The following CDH19 variants were observed in gnomAD, a reference collection of about 807,000 sequenced individuals.
CDH19 encodes cadherin-19.
CDH19 carries 67 observed loss-of-function variants against 64.2 expected under a neutral mutation model. The observed-to-expected ratio is 1.04, with a 90% CI of 0.86 to 1.28. The LOEUF is 1.28. Ranked by LOEUF, CDH19 falls within the 50% of genes most tolerant of loss-of-function variation. The pLI is 0.00. For synonymous variants in CDH19, 346 were observed against 319.3 expected (o/e 1.08, Z -0.89); for missense variants, 1,030 against 929.0 (o/e 1.11, Z -1.41).
chr18:66,505,332 T>C, intron 11 of CDH19, 30 bp from the exon 12 acceptor site: 1 of 1,493,132 alleles, frequency 6.7e-7, no homozygotes, highest in Non-Finnish European at 8.9e-7. Flanking sequence ...AGAATATCAA[T>C]AAACAATAAA....
At chr18:66,597,291 A>G (rs1467536695) in intron 1 of CDH19, among the ~76,000 whole-genome samples, 3 of 151,964 alleles carry the variant, frequency 2.0e-5, no homozygotes, top group Non-Finnish European at 4.4e-5. Flanking sequence ...CTGGTTAGAG[A>G]ACCTAGAGGC....
At chr18:66,522,664 T>A (rs12717057) in intron 9 of CDH19, among the ~76,000 whole-genome samples, 43,302 of 151,044 alleles carry the variant, frequency 0.29, 7,305 homozygotes, top group Non-Finnish European at 0.38. Flanking sequence ...TTATATATAT[T>A]TTTTCTTCTT....
intron 1 of CDH19, among the ~76,000 whole-genome samples, chr18:66,595,752 T>C (rs1321781659): frequency 6.6e-6 from 1 of 152,042 alleles, no homozygotes; most frequent in Non-Finnish European, 1.5e-5. Flanking sequence ...GAAGACGGGG[T>C]ATCAATTTTA....
intron 1 of CDH19, among the ~76,000 whole-genome samples, chr18:66,591,583 T>C (rs904353329): frequency 1.3e-5 from 2 of 151,890 alleles, no homozygotes; most frequent in African/African-American, 4.8e-5. Flanking sequence ...TTATAAAAAC[T>C]AAGAGAGTTT....
Position 66,554,296 on chromosome 18 carries a change from T to G in CDH19, c.610+109A>C, listed in dbSNP as rs1005962460. On this transcript the variant is annotated intron_variant, in intron 4 of 11. Transcript: ENST00000262150. ...GCTTAGGAATTGCAATCTTTTTGCT[T>G]ATTGACATATCAGGACTACTGTAAA... The G allele has an allele frequency of 2.9e-6, 3 of 1,031,672 alleles. No individual in the cohort carries two copies. The Admixed American group carries it at 7.1e-5, about 24-fold the overall frequency. The allele number at this position is 1,031,672 out of a possible 1,614,324, so 63.9% of individuals were successfully genotyped here. A position where few individuals can be genotyped will look rare whatever the true frequency, so the allele number is the denominator to read the frequency against.
intron 10 of CDH19, among the ~76,000 whole-genome samples, chr18:66,509,518 T>G (rs1985368087): frequency 6.6e-6 from 1 of 151,824 alleles, no homozygotes; most frequent in African/African-American, 2.4e-5. Context: ...GAGTTGATAC[T>G]ACTTATTTAG....
chr18:66,594,647 C>A (rs1035107003), intron 1 of CDH19, among the ~76,000 whole-genome samples: 3 of 151,808 alleles, frequency 2.0e-5, no homozygotes, highest in Non-Finnish European at 2.9e-5. Context: ...AAATGTGGCA[C>A]ATATACACCA....
chr18:66,533,491 A>C (rs1245338847), intron 8 of CDH19, among the ~76,000 whole-genome samples: 2 of 152,050 alleles, frequency 1.3e-5, no homozygotes, highest in East Asian at 1.9e-4. Flanking sequence ...TTGTGAATAA[A>C]CTGACAGAAA....
chr18:66,577,994 T>C (rs530847508), intron 1 of CDH19, among the ~76,000 whole-genome samples: 1 of 151,992 alleles, frequency 6.6e-6, no homozygotes, highest in South Asian at 2.1e-4. Flanking sequence ...CTCTTTGTTG[T>C]GTTAAATTTA....
intron 1 of CDH19, among the ~76,000 whole-genome samples, chr18:66,582,518 A>T (rs1206881587): frequency 6.6e-6 from 1 of 151,974 alleles, no homozygotes; most frequent in Non-Finnish European, 1.5e-5. Context: ...CAAAAATTTT[A>T]ATAACCCATG....
intron 5 of CDH19, among the ~76,000 whole-genome samples, chr18:66,549,420 T>C (rs1987256663): frequency 6.6e-6 from 1 of 152,122 alleles, no homozygotes; most frequent in Non-Finnish European, 1.5e-5. Context: ...ATATGCCAAT[T>C]ATTTTATAAA....
chr18:66,600,301 T>G (rs551320025), intron 1 of CDH19, among the ~76,000 whole-genome samples: 2 of 151,986 alleles, frequency 1.3e-5, no homozygotes, highest in South Asian at 4.1e-4. Context: ...TACTTTATTT[T>G]TTAAAAATCT....
At chr18:66,541,955 T>C (rs1986903639) in intron 7 of CDH19, among the ~76,000 whole-genome samples, 1 of 152,144 alleles carries the variant, frequency 6.6e-6, no homozygotes, top group African/African-American at 2.4e-5. Flanking sequence ...ATTATTGTGC[T>C]TTAAAATGTA....
intron 9 of CDH19, among the ~76,000 whole-genome samples, chr18:66,514,182 A>T (rs556214031): frequency 1.1e-4 from 17 of 151,606 alleles, no homozygotes; most frequent in South Asian, 2.1e-4. Flanking sequence ...AGCTGATGTC[A>T]TAGGCAATGT....
chr18:66,597,052 A>G (rs1190481611), intron 1 of CDH19, among the ~76,000 whole-genome samples: 1 of 123,860 alleles, frequency 8.1e-6, no homozygotes, highest in African/African-American at 3.1e-5. Context: ...ACTGCACTCC[A>G]GCCTGGGCGA....
At chr18:66,543,218 C>T (rs530028467) in intron 7 of CDH19, among the ~76,000 whole-genome samples, 4 of 152,056 alleles carry the variant, frequency 2.6e-5, no homozygotes, top group African/African-American at 9.6e-5. Flanking sequence ...TTAGTAGAGA[C>T]GGGGTTTCAC....
At chr18:66,520,750 C>T (rs1985948263) in intron 9 of CDH19, among the ~76,000 whole-genome samples, 1 of 151,932 alleles carries the variant, frequency 6.6e-6, no homozygotes, top group African/African-American at 2.4e-5. Context: ...AAGAATTTTC[C>T]TTTAATTATT....
intron 8 of CDH19, chr18:66,532,525 A>AAGAG (rs1185458385): frequency 4.3e-6 from 1 of 232,200 alleles, no homozygotes; most frequent in East Asian, 9.9e-5. Flanking sequence ...CACACAGAGA[A>AAGAG]AGAGAGAGAG....
intron 9 of CDH19, among the ~76,000 whole-genome samples, chr18:66,515,308 T>C (rs1448094648): frequency 2.6e-5 from 4 of 151,754 alleles, no homozygotes; most frequent in Admixed American, 2.6e-4. Context: ...TATGAGACCA[T>C]CACTTTTTAT....
Sources: gnomAD v4.1 joint callset for allele counts (sites outside exome capture counted in the v4.1 genomes callset) on GRCh38, gnomAD v4.1.1 for gene constraint, MANE v1.5 for transcripts, NCBI Gene and HGNC (gene_info 2026-07-23, HGNC 2026-07-21) for gene names.